PSG2: variants seen among roughly 807,000 people sequenced by gnomAD.
PSG2 encodes the protein pregnancy specific beta-1-glycoprotein 2.
Under a neutral mutation model 36.2 loss-of-function variants are expected in PSG2, and 49 were observed. The observed-to-expected ratio is 1.35, with a 90% CI of 1.08 to 1.72. The LOEUF (loss-of-function observed/expected upper bound fraction) is 1.72, where lower values mean the gene tolerates loss of function less well. PSG2 is among the 40% of genes most tolerant of loss of function. PSG2 has a pLI of 0.00. For synonymous variants in PSG2, 261 were observed against 155.6 expected (o/e 1.68, Z -5.04); for missense variants, 605 against 407.2 (o/e 1.49, Z -4.18).
At chr19:43,072,209 T>G (rs1165535993) in intron 3 of PSG2, 3 of 1,437,550 alleles carry the variant, frequency 2.1e-6, no homozygotes, top group African/African-American at 2.9e-5. Flanking sequence ...TACCCAGGTT[T>G]TCCCAGGGCA....
intron 2 of PSG2, among the ~76,000 whole-genome samples, chr19:43,076,395 C>A (rs1458575627): frequency 6.6e-6 from 1 of 151,794 alleles, no homozygotes; most frequent in Non-Finnish European, 1.5e-5. Context: ...CTGTAGAGGG[C>A]AGGTGAGGAC....
intron 5 of PSG2, 67 bp downstream of exon 5, chr19:43,066,450 C>T: frequency 8.4e-7 from 1 of 1,194,552 alleles, no homozygotes; most frequent in Non-Finnish European, 1.2e-6. Flanking sequence ...GCAAATAAGT[C>T]TTTTCCCTCT....
intron 2 of PSG2, among the ~76,000 whole-genome samples, chr19:43,079,654 G>T (rs1170267021): frequency 6.6e-6 from 1 of 151,506 alleles, no homozygotes; most frequent in Non-Finnish European, 1.5e-5. Context: ...CAGTGATGGG[G>T]GTTAAGATCT....
Position 43,082,642 on chromosome 19 carries a change from C to T in PSG2, c.-73G>A, listed in dbSNP as rs1479158779. ...CCAGAAACTTCCTGAGCACGGCTGTCAGCTGTGCTGTCCTTCCTCCTTCTG... is the reference window on the plus strand; with the variant it reads ...CCAGAAACTTCCTGAGCACGGCTGTTAGCTGTGCTGTCCTTCCTCCTTCTG... On this transcript the variant is annotated 5_prime_UTR_variant, in exon 1 of 6. Transcript: ENST00000406487. 6 of 1,581,178 alleles carry T rather than the reference C, an allele frequency of 3.8e-6. No individual in the cohort carries two copies. The highest frequency in any genetic ancestry group is 5.2e-6 in the Non-Finnish European group (6 of 1,156,272).
chr19:43,073,495 G>A (rs1858108872), intron 3 of PSG2, among the ~76,000 whole-genome samples: 1 of 151,774 alleles, frequency 6.6e-6, no homozygotes, highest in South Asian at 2.1e-4. Context: ...CTGGAAATCT[G>A]GTCGTCATGG....
intron 2 of PSG2, among the ~76,000 whole-genome samples, chr19:43,076,074 T>C (rs1410147815): frequency 6.6e-6 from 1 of 151,716 alleles, no homozygotes; most frequent in African/African-American, 2.4e-5. Flanking sequence ...AAGAGATGAA[T>C]GATGGAACTT....
At chr19:43,077,965 G>A (rs564556954) in intron 2 of PSG2, among the ~76,000 whole-genome samples, 2 of 151,824 alleles carry the variant, frequency 1.3e-5, no homozygotes, top group South Asian at 2.1e-4. Flanking sequence ...GGAAGTGACT[G>A]GAGAATGTGA....
intron 5 of PSG2, chr19:43,065,649 G>A (rs904449077): frequency 4.0e-5 from 6 of 151,590 alleles, no homozygotes; most frequent in Non-Finnish European, 8.8e-5. Context: ...TTATTTTCAG[G>A]TCTCATTTCC....
intron 1 of PSG2, among the ~76,000 whole-genome samples, chr19:43,081,503 G>A (rs932853539): frequency 6.6e-6 from 1 of 151,300 alleles, no homozygotes; most frequent in African/African-American, 2.4e-5. Context: ...TTGTGACCTT[G>A]GCATTTTTCT....
rs1479373454 is a variant in PSG2 at position 43,077,286 on chromosome 19, G to A, written c.431-1654C>T. Among the ~76,000 whole-genome samples the A allele has an allele frequency of 7.3e-5, 11 of 151,556 alleles. 1 individual carries two copies. Among genetic ancestry groups the A allele is most frequent in the Middle Eastern group, 6.8e-3 (2 of 294 alleles). On this transcript the variant is annotated intron_variant, in intron 2 of 5. Transcript: ENST00000406487. ...CAGCTCCTTAAGTAGAGAGAGTCCC[G>A]TTAAAAGGACAGAACTGGTCAGTGC...
chr19:43,077,715 T>G (rs1967917232), intron 2 of PSG2, among the ~76,000 whole-genome samples: 1 of 151,786 alleles, frequency 6.6e-6, no homozygotes, highest in Non-Finnish European at 1.5e-5. Flanking sequence ...AGCATTTGTA[T>G]TTGTCCCACA....
chr19:43,078,921 AAT>A (rs2122915810), intron 2 of PSG2, among the ~76,000 whole-genome samples: 1 of 151,530 alleles, frequency 6.6e-6, no homozygotes, highest in African/African-American at 2.4e-5. Flanking sequence ...CCTTGATGGG[AAT>A]ACAGTGGAAG....
chr19:43,080,483 G>A (rs944591115), intron 2 of PSG2, among the ~76,000 whole-genome samples: 1 of 151,690 alleles, frequency 6.6e-6, no homozygotes, highest in African/African-American at 2.4e-5. Flanking sequence ...TTAGGGACAG[G>A]GTTTGGAGGT....
intron 5 of PSG2, among the ~76,000 whole-genome samples, chr19:43,064,823 G>C (rs1967718107): frequency 6.6e-6 from 1 of 151,612 alleles, no homozygotes; most frequent in South Asian, 2.1e-4. Flanking sequence ...ATAATTTTTA[G>C]AATACTCATT....
intron 3 of PSG2, among the ~76,000 whole-genome samples, chr19:43,073,540 G>T (rs1967848972): frequency 6.6e-6 from 1 of 151,732 alleles, no homozygotes. Context: ...GACAAATTTG[G>T]AGAGAAGTTT....
chr19:43,076,721 G>T lies in PSG2; in HGVS notation c.431-1089C>A, dbSNP rs73934716. Among the ~76,000 whole-genome samples the T allele has an allele frequency of 5.1e-3, 769 of 151,750 alleles. 21 individuals carry two copies. Among genetic ancestry groups the T allele is most frequent in the African/African-American group, 0.018 (728 of 41,162 alleles). On this transcript the variant is annotated intron_variant, in intron 2 of 5. Transcript: ENST00000406487. Reference sequence around the variant, plus strand: ...TGGGTGTGCGGTTCCAGTTATGCAGGATAAGGAGGTTCTAGAGATCTCCTG... The same window carrying T: ...TGGGTGTGCGGTTCCAGTTATGCAGTATAAGGAGGTTCTAGAGATCTCCTG...
chr19:43,072,064 C>A lies in PSG2; in HGVS notation c.710-110G>T. On this transcript the variant is annotated intron_variant, in intron 3 of 5. Transcript: ENST00000406487. ...CTGAGACAAGACACATCCTCAAGTCCCAGCAAAACCCCCTCTATGTTCACT... is the reference window on the plus strand; with the variant it reads ...CTGAGACAAGACACATCCTCAAGTCACAGCAAAACCCCCTCTATGTTCACT... 6 of 1,459,482 alleles carry A rather than the reference C, an allele frequency of 4.1e-6. No individual in the cohort carries two copies. The South Asian group carries it at 6.6e-5, about 16-fold the overall frequency. The allele number at this position is 1,459,482 out of a possible 1,614,324, so 90.4% of individuals were successfully genotyped here. A position where few individuals can be genotyped will look rare whatever the true frequency, so the allele number is the denominator to read the frequency against.
chr19:43,066,961 C>A (rs1198176817), intron 4 of PSG2, among the ~76,000 whole-genome samples: 2 of 151,378 alleles, frequency 1.3e-5, no homozygotes, highest in Non-Finnish European at 2.9e-5. Context: ...ATGAATGAGA[C>A]TCTGTCAGGT....
At position 43,081,797 on chromosome 19, in the gene PSG2, T is replaced by C. The variant is rs192449876; in HGVS notation, c.65-551A>G. 109 of 160,532 alleles carry C rather than the reference T, an allele frequency of 6.8e-4. 1 individual carries two copies. Among genetic ancestry groups the C allele is most frequent in the African/African-American group, 2.3e-3 (96 of 40,966 alleles). The allele number at this position is 160,532 out of a possible 1,614,324, so 9.9% of individuals were successfully genotyped here. A position where few individuals can be genotyped will look rare whatever the true frequency, so the allele number is the denominator to read the frequency against. On this transcript the variant is annotated intron_variant, in intron 1 of 5. Transcript: ENST00000406487. ...GTGCCTGGAACAGGCTGCAGACTCC[T>C]GTAGATGTGAGACTTCTCAGGGCCC...
Sources: allele counts gnomAD v4.1 joint callset (sites outside exome capture counted in the v4.1 genomes callset), GRCh38; gene constraint gnomAD v4.1.1; transcripts MANE v1.5; gene names NCBI Gene and HGNC (gene_info 2026-07-23, HGNC 2026-07-21).